The following ZNF362 variants were observed in gnomAD, a reference collection of about 807,000 sequenced individuals.
ZNF362 encodes zinc finger protein 362.
Under a neutral mutation model 42.9 loss-of-function variants are expected in ZNF362, and 11 were observed. That is an observed-to-expected ratio of 0.26 (90% CI 0.16 to 0.42). The LOEUF is 0.42. ZNF362 is among the 20% of genes least tolerant of loss of function. ZNF362 has a pLI of 1.00. For synonymous variants in ZNF362, 255 were observed against 257.3 expected, an observed-to-expected ratio of 0.99 and a Z score of 0.09; for missense variants, 362 against 576.2, an observed-to-expected ratio of 0.63 and a Z score of 3.81.
chr1:33,253,882 T>A (rs1052235077), upstream of ZNF362, among the ~76,000 whole-genome samples: 19 of 152,236 alleles, frequency 1.2e-4, no homozygotes, highest in African/African-American at 4.3e-4. Flanking sequence ...GTATTAATTT[T>A]AAAATTTATA....
At chr1:33,213,876 AC>A in the ZNF362 span, among the ~76,000 whole-genome samples, 10 of 151,848 alleles carry the variant, frequency 6.6e-5, no homozygotes, top group South Asian at 2.1e-4. Flanking sequence ...ACAAAACAAA[AC>A]AAAAAAAACA....
At chr1:33,227,539 C>T in the ZNF362 span, among the ~76,000 whole-genome samples, 2 of 152,148 alleles carry the variant, frequency 1.3e-5, no homozygotes, top group Non-Finnish European at 2.9e-5. Context: ...GTGAAGGAAC[C>T]CCCAGATGAC....
chr1:33,217,040 C>T, the ZNF362 span, among the ~76,000 whole-genome samples: 2 of 152,016 alleles, frequency 1.3e-5, no homozygotes, highest in Admixed American at 1.3e-4. Context: ...GGAGAGAGGC[C>T]ACCATCCATC....
chr1:33,152,807 T>G, the ZNF362 span, among the ~76,000 whole-genome samples: 1 of 152,168 alleles, frequency 6.6e-6, no homozygotes, highest in South Asian at 2.1e-4. Flanking sequence ...AGGCAAGGAA[T>G]GTGCCGGGAC....
At chr1:33,155,814 T>TG in the ZNF362 span, among the ~76,000 whole-genome samples, 1 of 152,176 alleles carries the variant, frequency 6.6e-6, no homozygotes, top group Non-Finnish European at 1.5e-5. Context: ...AATCTGCCCT[T>TG]GGGGGGGATC....
At chr1:33,159,682 A>C in the ZNF362 span, 6 of 1,602,460 alleles carry the variant, frequency 3.7e-6, no homozygotes, top group Admixed American at 8.4e-5. The surrounding 1 kb of genome is among the most constrained non-coding windows in gnomAD (Gnocchi z 4.2). Flanking sequence ...GGCGGGTGGC[A>C]CTTACCGCTC....
chr1:33,155,513 C>T, the ZNF362 span, among the ~76,000 whole-genome samples: 1 of 152,090 alleles, frequency 6.6e-6, no homozygotes, highest in Admixed American at 6.5e-5. Flanking sequence ...TCCCCAGCCT[C>T]CTTCCTGGTG....
At chr1:33,254,090 ATTG>A (rs1645773142), upstream of ZNF362, among the ~76,000 whole-genome samples, 1 of 147,842 alleles carries the variant, frequency 6.8e-6, no homozygotes, top group Non-Finnish European at 1.5e-5. Flanking sequence ...GTTTATTTAG[ATTG>A]TTTTTACCTA....
At chr1:33,177,052 C>T in the ZNF362 span, among the ~76,000 whole-genome samples, 3 of 68,584 alleles carry the variant, frequency 4.4e-5, no homozygotes, top group Non-Finnish European at 9.1e-5. This position sits in a 1 kb window ranked among gnomAD's most constrained non-coding sequence, Gnocchi z 4.1. Context: ...CACACACACG[C>T]ACACACACAC....
At chr1:33,190,645 T>C in the ZNF362 span, among the ~76,000 whole-genome samples, 1 of 152,250 alleles carries the variant, frequency 6.6e-6, no homozygotes, top group African/African-American at 2.4e-5. Flanking sequence ...AGTTCACACA[T>C]TTCTACATTG....
intron 1 of ZNF362, among the ~76,000 whole-genome samples, chr1:33,259,835 T>A (rs1377639308): frequency 6.6e-6 from 1 of 152,062 alleles, no homozygotes; most frequent in Non-Finnish European, 1.5e-5. Flanking sequence ...ACCAAAGGAG[T>A]TCCATAAACC....
chr1:33,135,287 AAAACAAAC>A, the ZNF362 span, among the ~76,000 whole-genome samples: 12 of 152,062 alleles, frequency 7.9e-5, no homozygotes, highest in African/African-American at 7.2e-5. Flanking sequence ...GACTCTCTCA[AAAACAAAC>A]AAACAAACAA....
intron 1 of ZNF362, among the ~76,000 whole-genome samples, chr1:33,263,163 G>A (rs562273487): frequency 6.6e-4 from 100 of 152,304 alleles, no homozygotes; most frequent in African/African-American, 2.3e-3. Flanking sequence ...AATTCTAGCC[G>A]TTGCGCAGTG....
the ZNF362 span, among the ~76,000 whole-genome samples, chr1:33,228,088 C>T: frequency 6.6e-6 from 1 of 152,168 alleles, no homozygotes; most frequent in African/African-American, 2.4e-5. Context: ...CCAGCCCTCT[C>T]TTCTGAGCTC....
intron 1 of ZNF362, among the ~76,000 whole-genome samples, chr1:33,269,875 C>T (rs1338551976): frequency 6.6e-6 from 1 of 152,178 alleles, no homozygotes; most frequent in Non-Finnish European, 1.5e-5. Flanking sequence ...CTCCAGGTGG[C>T]AGGGCCTGGC....
At chr1:33,136,115 CT>C in the ZNF362 span, among the ~76,000 whole-genome samples, 4 of 30,240 alleles carry the variant, frequency 1.3e-4, no homozygotes, top group South Asian at 2.0e-3. Flanking sequence ...GGGGCCAGCC[CT>C]TCCTTCCTTC....
chr1:33,145,919 C>T, the ZNF362 span: 2 of 471,012 alleles, frequency 4.2e-6, no homozygotes, highest in Admixed American at 2.3e-5. Context: ...GACTTAAGTT[C>T]CCCCAAACAG....
chr1:33,203,702 C>T, the ZNF362 span, among the ~76,000 whole-genome samples: 5 of 152,012 alleles, frequency 3.3e-5, no homozygotes, highest in South Asian at 8.3e-4. Context: ...GGTTTTGATT[C>T]GCATTTCCCT....
chr1:33,275,034 G>A (rs1645933322), intron 2 of ZNF362: 70 of 985,274 alleles, frequency 7.1e-5, no homozygotes, highest in Non-Finnish European at 8.3e-5. Flanking sequence ...AGGAAAAGAG[G>A]TTGAAAGCAC....
Sources: gnomAD v4.1 joint callset for allele counts (sites outside exome capture counted in the v4.1 genomes callset) on GRCh38, gnomAD v4.1.1 for gene constraint, Gnocchi (gnomAD v3.1) non-coding constraint, MANE v1.5 for transcripts, NCBI Gene and HGNC (gene_info 2026-07-23, HGNC 2026-07-21) for gene names.